SLC22A23: variants seen among roughly 807,000 people sequenced by gnomAD.
SLC22A23 encodes solute carrier family 22 member 23.
SLC22A23 carries 26 observed loss-of-function variants against 61.0 expected under a neutral mutation model. The ratio of observed to expected loss-of-function variants is 0.43; its 90% CI spans 0.31 to 0.59. SLC22A23 has a LOEUF of 0.59. SLC22A23 is among the 20% of genes least tolerant of loss of function. The pLI is 0.11. For synonymous variants in SLC22A23, 430 were observed against 413.9 expected, an observed-to-expected ratio of 1.04 and a Z score of -0.47; for missense variants, 796 against 934.7, an observed-to-expected ratio of 0.85 and a Z score of 1.94.
At chr6:3,409,741 C>T (rs771492708) in intron 3 of SLC22A23, among the ~76,000 whole-genome samples, 1 of 152,200 alleles carries the variant, frequency 6.6e-6, no homozygotes, top group Admixed American at 6.5e-5. Flanking sequence ...CTGTCATTTA[C>T]TTTTCCAGTA....
At chr6:3,295,448 C>T (rs1216886698) in intron 5 of SLC22A23, among the ~76,000 whole-genome samples, 3 of 152,056 alleles carry the variant, frequency 2.0e-5, no homozygotes, top group African/African-American at 7.3e-5. Flanking sequence ...CCTGGAGGAC[C>T]TGGGGTCTAC....
At chr6:3,280,362 C>T (rs1261022745) in intron 9 of SLC22A23, among the ~76,000 whole-genome samples, 1 of 152,224 alleles carries the variant, frequency 6.6e-6, no homozygotes, top group Admixed American at 6.5e-5. Flanking sequence ...ATATCATCAG[C>T]ACCCTCCCCT....
At chr6:3,405,455 C>T (rs1331785179) in intron 3 of SLC22A23, among the ~76,000 whole-genome samples, 4 of 151,978 alleles carry the variant, frequency 2.6e-5, no homozygotes, top group African/African-American at 9.7e-5. Flanking sequence ...CGACCGAGCA[C>T]GTATTCATGC....
At position 3,433,347 on chromosome 6, in the gene SLC22A23, A is replaced by G. The variant is rs542352019; in HGVS notation, c.655-17492T>C. Among the ~76,000 whole-genome samples, 3 of 152,286 alleles carry G rather than the reference A, an allele frequency of 2.0e-5. No individual in the cohort carries two copies. The East Asian group carries it at 5.8e-4, about 29-fold the overall frequency. ...TTATCAGCCCTAGGGAGTGAGTCCC[A>G]GAAGCTGTAGGGCCACACAGGGGCC... On this transcript the variant is annotated intron_variant, in intron 1 of 9. Coordinates refer to ENST00000406686, the MANE Select transcript of SLC22A23 (RefSeq NM_015482.2).
intron 3 of SLC22A23, among the ~76,000 whole-genome samples, chr6:3,389,268 CAAAAAAAAAAAAAAAAA>C (rs61020784): frequency 3.1e-5 from 1 of 32,594 alleles, no homozygotes; most frequent in Non-Finnish European, 4.8e-5. Context: ...AACTCTGTCT[CAAAAAAAAAAAAAAAAA>C]AAAAAAAAAA....
rs746435736 is a variant in SLC22A23 at position 3,283,995 on chromosome 6, A to T, written c.1580-20T>A. ...TCATCCCTGGGGGAAGGTCAGAAGA[A>T]GGTGGTGAGGGAAGAGAGGAAGCCA... On this transcript the variant is annotated intron_variant, in intron 8 of 9. Coordinates refer to ENST00000406686, the MANE Select transcript of SLC22A23 (RefSeq NM_015482.2). 5.8e-5 allele frequency: 92 copies of T among 1,591,762 alleles called. 1 individual carries two copies. In the Middle Eastern group the frequency reaches 4.8e-3, roughly 83 times the overall value.
chr6:3,434,732 G>C (rs528608439), intron 1 of SLC22A23, among the ~76,000 whole-genome samples: 1 of 152,344 alleles, frequency 6.6e-6, no homozygotes, highest in African/African-American at 2.4e-5. Flanking sequence ...CAGCAGAACG[G>C]AGGAGACGCG....
At chr6:3,373,739 G>A (rs1025795316) in intron 3 of SLC22A23, among the ~76,000 whole-genome samples, 1 of 152,212 alleles carries the variant, frequency 6.6e-6, no homozygotes, top group Admixed American at 6.5e-5. Flanking sequence ...GTTCCATTCA[G>A]TGTTGACCAG....
intron 2 of SLC22A23, among the ~76,000 whole-genome samples, chr6:3,412,826 C>T (rs540641688): frequency 3.9e-5 from 6 of 152,268 alleles, no homozygotes; most frequent in Admixed American, 2.6e-4. Context: ...CTTGACATTG[C>T]TGGCTCTGAA....
rs566880784 is a variant in SLC22A23, at chr6:3,327,882, G to A, written c.914-3880C>T. Among the ~76,000 whole-genome samples, 2 of 152,188 alleles carry A rather than the reference G, an allele frequency of 1.3e-5. No homozygotes were observed. The highest frequency in any genetic ancestry group is 2.1e-4 in the South Asian group (1 of 4,824). ...TGAATAATTTTGTGCATGAAACAAA[G>A]TTTTGACTGAGACCCATCATATAAG... On this transcript the variant is annotated intron_variant, in intron 3 of 9. Coordinates refer to ENST00000406686, the MANE Select transcript of SLC22A23 (RefSeq NM_015482.2). The surrounding 1 kb of genome is among the most constrained non-coding windows in gnomAD (Gnocchi z 4.1).
chr6:3,349,294 T>C (rs1379081459), intron 3 of SLC22A23, among the ~76,000 whole-genome samples: 1 of 152,206 alleles, frequency 6.6e-6, no homozygotes, highest in Non-Finnish European at 1.5e-5. Context: ...AACACCTTTC[T>C]GTCTCCTACC....
At chr6:3,419,298 C>T (rs1475211724) in intron 1 of SLC22A23, among the ~76,000 whole-genome samples, 1 of 152,160 alleles carries the variant, frequency 6.6e-6, no homozygotes, top group African/African-American at 2.4e-5. Flanking sequence ...CCCACAGACA[C>T]CCCGATTTAT....
chr6:3,305,020 G>T (rs1287255447), intron 4 of SLC22A23, among the ~76,000 whole-genome samples: 1 of 152,028 alleles, frequency 6.6e-6, no homozygotes. Flanking sequence ...CGAGACAAGG[G>T]ACAGGCTCCC....
At position 3,270,511 on chromosome 6, in the gene SLC22A23, C is replaced by G. The variant is rs909405285; in HGVS notation, c.*2544G>C. 4 of 152,388 alleles carry G rather than the reference C, an allele frequency of 2.6e-5. No individual in the cohort carries two copies. The highest frequency in any genetic ancestry group is 4.1e-4 in the South Asian group (2 of 4,836). The allele number at this position is 152,388 out of a possible 1,614,324, so 9.4% of individuals were successfully genotyped here. A position where few individuals can be genotyped will look rare whatever the true frequency, so the allele number is the denominator to read the frequency against. On this transcript the variant is annotated 3_prime_UTR_variant, in exon 10 of 10. Transcript: ENST00000406686. Reference sequence around the variant, plus strand: ...TGCCACCAAACAGGCACCCGGCCTCCTCCTCCTCAGGCTGCCCTGGGAGGA... The same window carrying G: ...TGCCACCAAACAGGCACCCGGCCTCGTCCTCCTCAGGCTGCCCTGGGAGGA...
chr6:3,400,667 A>G (rs925505315), intron 3 of SLC22A23, among the ~76,000 whole-genome samples: 1 of 152,218 alleles, frequency 6.6e-6, no homozygotes, highest in Non-Finnish European at 1.5e-5. Flanking sequence ...TTGGCTTCCA[A>G]TCCAAGCCTG....
Position 3,286,755 on chromosome 6 carries a change from A to G in SLC22A23, c.1546+104T>C. On this transcript the variant is annotated intron_variant, in intron 7 of 9. Coordinates refer to ENST00000406686, the MANE Select transcript of SLC22A23 (RefSeq NM_015482.2). This position sits in a 1 kb window ranked among gnomAD's most constrained non-coding sequence, Gnocchi z 4.2. The stretch of plus-strand genomic sequence containing the variant: ...CCCCAAAGCAGCTCCTTCCAGCAGT[A>G]GATTTTAGAGTGGCCAGCGGAGTCT... 2.0e-6 allele frequency: 2 copies of G among 993,380 alleles called. No homozygotes were observed. The highest frequency in any genetic ancestry group is 3.1e-5 in the South Asian group (2 of 64,668). 61.5% of individuals were successfully genotyped at this position (993,380 alleles called of 1,614,324 possible). A position where few individuals can be genotyped will look rare whatever the true frequency, so the allele number is the denominator to read the frequency against.
Position 3,269,739 on chromosome 6 carries a change from T to C in SLC22A23, c.*3316A>G, listed in dbSNP as rs1295839318. The C allele has an allele frequency of 1.3e-5, 2 of 152,844 alleles. No homozygotes were observed. Among genetic ancestry groups the C allele is most frequent in the East Asian group, 3.8e-4 (2 of 5,332 alleles). The allele number at this position is 152,844 out of a possible 1,614,324, so 9.5% of individuals were successfully genotyped here. ...CACACGGGACATGAAAGCGAGGTGGTGCCTTCTAGACGAGAGGACAGCTGT... is the reference window on the plus strand; with the variant it reads ...CACACGGGACATGAAAGCGAGGTGGCGCCTTCTAGACGAGAGGACAGCTGT... On this transcript the variant is annotated 3_prime_UTR_variant, in exon 10 of 10. Coordinates refer to ENST00000406686, the MANE Select transcript of SLC22A23 (RefSeq NM_015482.2).
At chr6:3,280,512 T>TTC (rs781526188) in intron 9 of SLC22A23, among the ~76,000 whole-genome samples, 2,502 of 98,278 alleles carry the variant, frequency 0.025, 149 homozygotes, top group African/African-American at 0.044. Context: ...TTTTTTTTTT[T>TTC]TGAGATGGAG....
At chr6:3,336,287 A>C (rs1463775436) in intron 3 of SLC22A23, among the ~76,000 whole-genome samples, 2 of 152,224 alleles carry the variant, frequency 1.3e-5, no homozygotes, top group African/African-American at 4.8e-5. Context: ...CAGCACCTCC[A>C]TGCCACGCCC....
Sources: allele counts gnomAD v4.1 joint callset (sites outside exome capture counted in the v4.1 genomes callset), GRCh38; gene constraint gnomAD v4.1.1; non-coding constraint Gnocchi (gnomAD v3.1); transcripts MANE v1.5; gene names NCBI Gene and HGNC (gene_info 2026-07-23, HGNC 2026-07-21).